The following DENND1A variants were observed in gnomAD, a reference collection of about 807,000 sequenced individuals.
The protein encoded by DENND1A is DENN domain containing 1A.
Under a neutral mutation model 113.7 loss-of-function variants are expected in DENND1A, and 51 were observed. That is an observed-to-expected ratio of 0.45 (90% confidence interval 0.36 to 0.57). DENND1A has a LOEUF of 0.57. Ranked by LOEUF, DENND1A falls within the 20% of genes least tolerant of loss-of-function variation. The pLI is 0.00. For synonymous variants in DENND1A, 565 were observed against 570.8 expected (o/e 0.99, Z 0.14); for missense variants, 1,258 against 1,395.9 (o/e 0.90, Z 1.57).
intron 21 of DENND1A, among the ~76,000 whole-genome samples, chr9:123,392,316 T>C (rs2042899746): frequency 6.6e-6 from 1 of 152,170 alleles, no homozygotes; most frequent in African/African-American, 2.4e-5. Context: ...CAAATGTAGA[T>C]ATTTCAAATT....
intron 1 of DENND1A, among the ~76,000 whole-genome samples, chr9:123,881,544 C>T (rs1418042574): frequency 6.6e-6 from 1 of 152,088 alleles, no homozygotes; most frequent in Non-Finnish European, 1.5e-5. Context: ...TCTTCAGGAC[C>T]CTAGGACTTC....
At chr9:123,699,756 G>A (rs2065773261) in intron 5 of DENND1A, among the ~76,000 whole-genome samples, 1 of 146,640 alleles carries the variant, frequency 6.8e-6, no homozygotes. Context: ...GGAGTGCAGT[G>A]GCGTGATCTC....
At chr9:123,871,266 T>A (rs1262049086) in intron 2 of DENND1A, among the ~76,000 whole-genome samples, 1 of 152,072 alleles carries the variant, frequency 6.6e-6, no homozygotes, top group Non-Finnish European at 1.5e-5. Context: ...GTATGTTTAG[T>A]AAAGACAGGG....
chr9:123,873,637 C>T (rs959591494), intron 2 of DENND1A, among the ~76,000 whole-genome samples: 3 of 152,166 alleles, frequency 2.0e-5, no homozygotes, highest in Non-Finnish European at 4.4e-5. Context: ...TTAAAAATCA[C>T]CGATGAGGAA....
intron 13 of DENND1A, among the ~76,000 whole-genome samples, chr9:123,476,442 T>A (rs1024249101): frequency 6.6e-6 from 1 of 152,188 alleles, no homozygotes; most frequent in South Asian, 2.1e-4. Flanking sequence ...CCTAGCTGTG[T>A]CTTCCTGAGC....
At chr9:123,650,602 C>T (rs1020479896) in intron 9 of DENND1A, among the ~76,000 whole-genome samples, 11 of 152,060 alleles carry the variant, frequency 7.2e-5, no homozygotes, top group Non-Finnish European at 1.2e-4. Flanking sequence ...AGTAAAGTGA[C>T]GCCTGTGATT....
At chr9:123,863,804 C>T (rs1342420245) in intron 2 of DENND1A, among the ~76,000 whole-genome samples, 1 of 152,088 alleles carries the variant, frequency 6.6e-6, no homozygotes, top group Non-Finnish European at 1.5e-5. Context: ...CTCTCTCTCC[C>T]CAAAGCTTAA....
intron 20 of DENND1A, among the ~76,000 whole-genome samples, chr9:123,407,154 AGGGGGGGAGGGGCGGG>A (rs2043924788): frequency 3.9e-4 from 1 of 2,576 alleles, no homozygotes; most frequent in Non-Finnish European, 7.4e-4. Context: ...CAGACAGAGC[AGGGGGGGAGGGGCGGG>A]GGGGTGGGGA....
chr9:123,643,088 G>A (rs913360785), intron 9 of DENND1A, among the ~76,000 whole-genome samples: 5 of 152,114 alleles, frequency 3.3e-5, no homozygotes, highest in East Asian at 1.9e-4. Context: ...TGTTCCACTC[G>A]AATACTGAAA....
intron 13 of DENND1A, among the ~76,000 whole-genome samples, chr9:123,524,307 A>C (rs1386852429): frequency 6.6e-6 from 1 of 152,256 alleles, no homozygotes; most frequent in Non-Finnish European, 1.5e-5. Flanking sequence ...ATGCTTCAGC[A>C]AACACAATAA....
chr9:123,414,955 T>C (rs762324551), intron 19 of DENND1A, among the ~76,000 whole-genome samples: 13 of 152,212 alleles, frequency 8.5e-5, no homozygotes, highest in African/African-American at 1.2e-4. Flanking sequence ...TCCTGGCACA[T>C]GTAAAAACAC....
intron 11 of DENND1A, among the ~76,000 whole-genome samples, chr9:123,601,510 T>C (rs2059933244): frequency 6.6e-6 from 1 of 152,332 alleles, no homozygotes; most frequent in African/African-American, 2.4e-5. Flanking sequence ...TTCTGGATGG[T>C]ACGAGACTCA....
intron 12 of DENND1A, among the ~76,000 whole-genome samples, chr9:123,560,590 T>C (rs1157253717): frequency 1.3e-5 from 2 of 151,198 alleles, no homozygotes; most frequent in Non-Finnish European, 2.9e-5. Context: ...CTTAGAAGGC[T>C]GAGGTGGGAG....
intron 13 of DENND1A, among the ~76,000 whole-genome samples, chr9:123,526,131 T>C (rs2135198007): frequency 6.6e-6 from 1 of 151,738 alleles, no homozygotes; most frequent in East Asian, 2.0e-4. Flanking sequence ...CCAGTATCAC[T>C]GCCCAACACA....
chr9:123,521,807 C>T (rs1031173129), intron 13 of DENND1A, among the ~76,000 whole-genome samples: 1 of 152,192 alleles, frequency 6.6e-6, no homozygotes, highest in African/African-American at 2.4e-5. Flanking sequence ...GGGTTCCATA[C>T]TAAATCTCTG....
chr9:123,752,929 A>T (rs962907362), intron 5 of DENND1A, among the ~76,000 whole-genome samples: 1 of 152,212 alleles, frequency 6.6e-6, no homozygotes, highest in African/African-American at 2.4e-5. Context: ...CCATCCAGGA[A>T]CTCATTAAAT....
rs75600980 is a variant in DENND1A at position 123,911,456 on chromosome 9, G to A, written c.17+18433C>T. ...AAAGGAACACTTTTGTTAACTGTAA[G>A]ACATCTATAAGAATATTCATAACAA... On this transcript the variant is annotated intron_variant, in intron 1 of 23. Transcript: ENST00000394215. 2.6e-3 allele frequency among the ~76,000 whole-genome samples: 398 copies of A among 152,284 alleles called. 2 individuals carry two copies. The highest frequency in any genetic ancestry group is 4.4e-3 in the Non-Finnish European group (301 of 68,028).
intron 2 of DENND1A, among the ~76,000 whole-genome samples, chr9:123,799,342 A>T (rs937548548): frequency 6.6e-6 from 1 of 152,198 alleles, no homozygotes; most frequent in Admixed American, 6.5e-5. Flanking sequence ...GAAAATTAGT[A>T]GTCACTCGTG....
intron 1 of DENND1A, among the ~76,000 whole-genome samples, chr9:123,894,959 T>C (rs950983911): frequency 6.6e-6 from 1 of 152,000 alleles, no homozygotes; most frequent in Non-Finnish European, 1.5e-5. Flanking sequence ...AAGAGACACA[T>C]GCTGAGCAAA....
Sources: gnomAD v4.1 joint callset for allele counts (sites outside exome capture counted in the v4.1 genomes callset) on GRCh38, gnomAD v4.1.1 for gene constraint, MANE v1.5 for transcripts, NCBI Gene and HGNC (gene_info 2026-07-23, HGNC 2026-07-21) for gene names.